NAV2: variants seen among roughly 807,000 people sequenced by gnomAD.
The protein encoded by NAV2 is neuron navigator 2.
In NAV2, 54 loss-of-function variants were observed where a neutral mutation model predicts 223.2. The ratio of observed to expected loss-of-function variants is 0.24; its 90% CI spans 0.19 to 0.30. NAV2 has a LOEUF of 0.30. NAV2 is among the 10% of genes least tolerant of loss of function. The pLI, the probability that NAV2 is intolerant of heterozygous loss-of-function variation, is 1.00. For missense variants in NAV2, 2,806 were observed against 3,147.5 expected (o/e 0.89, Z 2.60); for synonymous variants, 1,279 against 1,239.3 (o/e 1.03, Z -0.67).
At chr11:19,693,762 C>T (rs1319979478) in intron 1 of NAV2, among the ~76,000 whole-genome samples, 5 of 152,136 alleles carry the variant, frequency 3.3e-5, no homozygotes. Flanking sequence ...ACTGGTGTAA[C>T]ATTGGAGGCC....
At chr11:19,568,300 A>G (rs1424903681) in intron 1 of NAV2, among the ~76,000 whole-genome samples, 2 of 152,172 alleles carry the variant, frequency 1.3e-5, no homozygotes, top group African/African-American at 2.4e-5. Flanking sequence ...CCCAGTAAAA[A>G]TAGTTTTTGT....
chr11:19,471,233 C>G (rs754422804), intron 1 of NAV2, among the ~76,000 whole-genome samples: 7 of 152,140 alleles, frequency 4.6e-5, no homozygotes, highest in African/African-American at 2.4e-5. Flanking sequence ...ACCAAGGAGG[C>G]AGTTGGTTCC....
chr11:19,768,404 C>CA (rs1252884546), intron 1 of NAV2, among the ~76,000 whole-genome samples: 2 of 152,184 alleles, frequency 1.3e-5, no homozygotes, highest in East Asian at 3.9e-4. Context: ...GTTCAGTCAA[C>CA]AAAAAGTAGC....
intron 4 of NAV2, among the ~76,000 whole-genome samples, chr11:19,877,751 C>T (rs1437368375): frequency 2.6e-5 from 4 of 152,046 alleles, no homozygotes; most frequent in Admixed American, 6.5e-5. Context: ...GGATTACAGG[C>T]GTGAGCCACC....
rs1332930905 is a variant in NAV2 at position 19,713,808 on chromosome 11, A to C, written c.113A>C (p.Tyr38Ser). 1 of 1,612,944 alleles carries C rather than the reference A, an allele frequency of 6.2e-7. No homozygotes were observed. The highest frequency in any genetic ancestry group is 8.5e-7 in the Non-Finnish European group (1 of 1,179,776). The change falls in exon 1 of 38, where the codon TAC becomes TCC. Residue 38 changes from tyrosine to serine, a missense_variant. This residue lies in a region of NAV2 where 1,167 missense variants were observed against 1,180.5 expected (regional missense o/e 0.99). Transcript: ENST00000349880. This position sits in a 1 kb window ranked among gnomAD's most constrained non-coding sequence, Gnocchi z 7.2. ...GCCCGGGCGGGCCCCCAGCCCTGCT[A>C]CCTGAAGTTGGGAAGCAAGGTGGAG... ...PPARAGPQPC[Y>S]LKLGSKVEVS...
chr11:19,455,182 C>A (rs534011530), intron 1 of NAV2, among the ~76,000 whole-genome samples: 1 of 152,036 alleles, frequency 6.6e-6, no homozygotes, highest in Non-Finnish European at 1.5e-5. Flanking sequence ...ACTGCCATAG[C>A]GAGATTAGAT....
intron 22 of NAV2, among the ~76,000 whole-genome samples, chr11:20,072,576 GT>G (rs2059472904): frequency 6.6e-6 from 1 of 152,190 alleles, no homozygotes; most frequent in African/African-American, 2.4e-5. Flanking sequence ...AACATGGAAT[GT>G]TTTTGCATTT....
chr11:20,023,699 G>GGTGTGTGTGTGTGTGTGTGTGTGTGT (rs374769800), intron 11 of NAV2, among the ~76,000 whole-genome samples: 1 of 144,572 alleles, frequency 6.9e-6, no homozygotes, highest in African/African-American at 2.6e-5. Context: ...CAAATTGCTG[G>GGTGTGTGTGTGTGTGTGTGTGTGTGT]GTGTGTGTGT....
intron 35 of NAV2, among the ~76,000 whole-genome samples, chr11:20,106,197 A>G (rs371608942): frequency 0.087 from 2,131 of 24,430 alleles, 471 homozygotes; most frequent in Middle Eastern, 0.25. Flanking sequence ...ATATATATAT[A>G]TATATATATA....
chr11:20,109,041 C>T (rs2062409304), intron 36 of NAV2, among the ~76,000 whole-genome samples: 1 of 152,140 alleles, frequency 6.6e-6, no homozygotes, highest in Non-Finnish European at 1.5e-5. Flanking sequence ...CTGGTGTGCA[C>T]CCACAGGCAC....
intron 30 of NAV2, 53 bp from the exon 31 acceptor site, chr11:20,097,524 G>T: frequency 7.1e-7 from 1 of 1,399,994 alleles, no homozygotes; most frequent in South Asian, 1.4e-5. Context: ...CATGAGTCAT[G>T]GGCAGATTTT....
At chr11:19,545,604 T>C (rs2044474421) in intron 1 of NAV2, among the ~76,000 whole-genome samples, 1 of 152,044 alleles carries the variant, frequency 6.6e-6, no homozygotes, top group African/African-American at 2.4e-5. Flanking sequence ...TGCATTTTAT[T>C]TCCTAGAGGG....
chr11:20,083,331 G>A, intron 26 of NAV2, 152 bp downstream of exon 26: 1 of 587,426 alleles, frequency 1.7e-6, no homozygotes, highest in Non-Finnish European at 2.8e-6. Context: ...AATGCTTTAG[G>A]ACTGGGAAAG....
chr11:19,430,488 C>T (rs1310853782), intron 1 of NAV2, among the ~76,000 whole-genome samples: 6 of 152,216 alleles, frequency 3.9e-5, no homozygotes, highest in East Asian at 1.9e-4. Context: ...CCTTGCCCTG[C>T]GAGGAGGGGA....
intron 2 of NAV2, among the ~76,000 whole-genome samples, chr11:19,840,438 C>A (rs1365182180): frequency 6.6e-6 from 1 of 152,188 alleles, no homozygotes; most frequent in Non-Finnish European, 1.5e-5. Context: ...TTATTAGGAT[C>A]ACAGTTATCC....
At position 19,762,706 on chromosome 11, in the gene NAV2, T is replaced by G. The variant is rs142218146; in HGVS notation, c.267+48744T>G. Among the ~76,000 whole-genome samples the G allele has an allele frequency of 3.1e-3, 456 of 149,112 alleles. 3 individuals carry two copies. The highest frequency in any genetic ancestry group is 5.0e-3 in the Non-Finnish European group (340 of 67,552). On this transcript the variant is annotated intron_variant, in intron 1 of 37. Coordinates refer to ENST00000349880, the MANE Select transcript of NAV2 (RefSeq NM_145117.5). ...TTGGCTCACTGCAGCCTCCACCTCCTGGGTTCAAGCAATTCTCCTGCCTCA... is the reference window on the plus strand; with the variant it reads ...TTGGCTCACTGCAGCCTCCACCTCCGGGGTTCAAGCAATTCTCCTGCCTCA...
At chr11:19,374,309 G>GTTTTTTTTTTTTTTTTTTTTTTT (rs10533713) in intron 1 of NAV2, among the ~76,000 whole-genome samples, 2 of 124,594 alleles carry the variant, frequency 1.6e-5, no homozygotes, top group Non-Finnish European at 1.6e-5. Context: ...TTCCGAAAAG[G>GTTTTTTTTTTTTTTTTTTTTTTT]TTTTTTTTTT....
Position 19,714,088 on chromosome 11 carries a change from C to T in NAV2, c.267+126C>T. ...ATGTGGCCAGGGAAGGGAACCATTC[C>T]CCTTAGGCCGGCAGGTTGGGGGATG... On this transcript the variant is annotated intron_variant, in intron 1 of 37. Transcript: ENST00000349880. The T allele has an allele frequency of 8.1e-6, 11 of 1,355,366 alleles. No individual in the cohort carries two copies. The East Asian group carries it at 2.7e-4, about 34-fold the overall frequency. The allele number at this position is 1,355,366 out of a possible 1,614,324, so 84.0% of individuals were successfully genotyped here.
At position 20,045,325 on chromosome 11, in the gene NAV2, C is replaced by T; in HGVS notation, c.3557C>T (p.Thr1186Ile). Residue 1186 changes from threonine to isoleucine, a missense_variant, in exon 14 of 38, where the codon ACA becomes ATA. Coordinates refer to ENST00000349880, the MANE Select transcript of NAV2 (RefSeq NM_145117.5). ...GGGTATCTAGCCCTAAGCTCCCGGA[C>T]AAACCTTCAGTACCGGAGTTTGCCG... ...DDGYLALSSR[T>I]NLQYRSLPRP... is the part of the protein sequence containing the mutation. 6.2e-7 allele frequency: 1 copy of T among 1,614,148 alleles called. No homozygotes were observed. Among genetic ancestry groups the T allele is most frequent in the Non-Finnish European group, 8.5e-7 (1 of 1,180,018 alleles).
Sources: allele counts gnomAD v4.1 joint callset (sites outside exome capture counted in the v4.1 genomes callset), GRCh38; gene constraint gnomAD v4.1.1; regional missense constraint gnomAD v4.1.1; non-coding constraint Gnocchi (gnomAD v3.1); transcripts MANE v1.5; gene names NCBI Gene and HGNC (gene_info 2026-07-23, HGNC 2026-07-21).